BCAS4: variants seen among roughly 807,000 people sequenced by gnomAD.
BCAS4 encodes breast carcinoma-amplified sequence 4.
In BCAS4, 9 loss-of-function variants were observed where a neutral mutation model predicts 15.7. The observed-to-expected ratio is 0.57, with a 90% CI of 0.34 to 1.00. BCAS4 has a LOEUF of 1.00. BCAS4 is among the 50% of genes least tolerant of loss of function. The pLI, the probability that BCAS4 is intolerant of heterozygous loss-of-function variation, is 0.02. For synonymous variants in BCAS4, 101 were observed against 99.5 expected (o/e 1.02, Z -0.09); for missense variants, 225 against 239.1 (o/e 0.94, Z 0.39).
intron 1 of BCAS4, among the ~76,000 whole-genome samples, chr20:50,800,559 CTTTTTTTTT>C (rs562113048): frequency 8.9e-6 from 1 of 112,630 alleles, no homozygotes; most frequent in African/African-American, 3.7e-5. Context: ...TTGAACATCC[CTTTTTTTTT>C]TTTTTTTTTT....
intron 1 of BCAS4, among the ~76,000 whole-genome samples, chr20:50,814,795 C>T (rs1251035191): frequency 6.6e-6 from 1 of 152,126 alleles, no homozygotes; most frequent in Non-Finnish European, 1.5e-5. Flanking sequence ...CAGTGACTAG[C>T]CCTTGTTTTT....
intron 2 of BCAS4, among the ~76,000 whole-genome samples, chr20:50,820,048 G>A (rs1412564624): frequency 7.0e-6 from 1 of 143,466 alleles, no homozygotes; most frequent in Non-Finnish European, 1.5e-5. Context: ...ACAGCATGTT[G>A]ACCAGGCTGG....
chr20:50,862,836 TTTTG>T (rs910804300), intron 4 of BCAS4, among the ~76,000 whole-genome samples: 6 of 152,058 alleles, frequency 3.9e-5, no homozygotes, highest in African/African-American at 9.7e-5. Flanking sequence ...TCAGGGCTTT[TTTTG>T]TTTGTTTGTT....
rs372999758 is a variant in BCAS4 at position 50,841,908 on chromosome 20, T to G, written c.399+8T>G. On this transcript the variant is annotated splice_region_variant and intron_variant, in intron 4 of 4. Coordinates refer to ENST00000371608, the MANE Select transcript of BCAS4 (RefSeq NM_198799.4). ...CTCCCCTCCTTCAGGAACGTGAGTATCCTGCCCCGAGAAGTGAGGGGAGGG... is the reference window on the plus strand; with the variant it reads ...CTCCCCTCCTTCAGGAACGTGAGTAGCCTGCCCCGAGAAGTGAGGGGAGGG... 3.7e-5 allele frequency: 58 copies of G among 1,562,836 alleles called. No homozygotes were observed. The African/African-American group carries it at 7.7e-4, about 21-fold the overall frequency.
chr20:50,859,499 C>T (rs1047113702), intron 4 of BCAS4, among the ~76,000 whole-genome samples: 1 of 152,128 alleles, frequency 6.6e-6, no homozygotes, highest in African/African-American at 2.4e-5. Flanking sequence ...GGGAGAGCCT[C>T]TGGGGAGGTG....
chr20:50,808,228 A>G (rs534245894), intron 1 of BCAS4, among the ~76,000 whole-genome samples: 1 of 152,292 alleles, frequency 6.6e-6, no homozygotes, highest in East Asian at 1.9e-4. Context: ...CATATTCTTT[A>G]TCCACTTGTT....
At chr20:50,830,213 T>G in intron 2 of BCAS4, 66 bp from the exon 3 acceptor site, 1 of 1,410,710 alleles carries the variant, frequency 7.1e-7, no homozygotes, top group South Asian at 1.2e-5. Context: ...CTGGCCAACC[T>G]CTGAGGCAGG....
At chr20:50,796,605 C>T (rs2087867995) in intron 1 of BCAS4, among the ~76,000 whole-genome samples, 1 of 138,800 alleles carries the variant, frequency 7.2e-6, no homozygotes, top group African/African-American at 2.7e-5. Context: ...AGGAATTCTC[C>T]TGCCTCAGCC....
chr20:50,825,372 G>A (rs914289532), intron 2 of BCAS4, among the ~76,000 whole-genome samples: 7 of 151,836 alleles, frequency 4.6e-5, no homozygotes, highest in African/African-American at 9.7e-5. Context: ...GTGAGCCACC[G>A]CACCTGGCCC....
chr20:50,821,319 AG>A (rs2088213622), intron 2 of BCAS4, among the ~76,000 whole-genome samples: 1 of 152,264 alleles, frequency 6.6e-6, no homozygotes, highest in South Asian at 2.1e-4. Flanking sequence ...GTGCCCAGCC[AG>A]TTCTGCAAAT....
chr20:50,823,340 C>T (rs985265536), intron 2 of BCAS4, among the ~76,000 whole-genome samples: 1 of 151,700 alleles, frequency 6.6e-6, no homozygotes, highest in African/African-American at 2.4e-5. Flanking sequence ...ACTCCGTCCC[C>T]CCGGCCCAAA....
chr20:50,861,846 CTTTTTTTT>C (rs773052138), intron 4 of BCAS4, among the ~76,000 whole-genome samples: 7 of 109,274 alleles, frequency 6.4e-5, no homozygotes, highest in African/African-American at 2.7e-4. Context: ...TCTTCTTCTC[CTTTTTTTT>C]TTTTTTTTTT....
In BCAS4 at chr20:50,830,315, A is replaced by C; in HGVS notation, c.199A>C (p.Ile67Leu). The change falls in exon 3 of 5, where the codon ATC becomes CTC. Residue 67 changes from isoleucine to leucine, a missense_variant. Transcript: ENST00000371608. ...TACTTCACAGATCCTGGAGGAAAAC[A>C]TCCCAGTCCTTAAGGCCAAACTGAC... ...SDTSQILEEN[I>L]PVLKAKLTEM... is the part of the protein sequence containing the mutation. 6.2e-7 allele frequency: 1 copy of C among 1,614,108 alleles called. No homozygotes were observed. The highest frequency in any genetic ancestry group is 8.5e-7 in the Non-Finnish European group (1 of 1,179,976).
intron 4 of BCAS4, among the ~76,000 whole-genome samples, chr20:50,860,451 C>T (rs1026200096): frequency 1.3e-5 from 2 of 152,250 alleles, no homozygotes; most frequent in African/African-American, 4.8e-5. Context: ...TACCACTCAT[C>T]TGCCCTCCAT....
At chr20:50,841,627 T>A in intron 3 of BCAS4, 139 bp from the exon 4 acceptor site, 1 of 1,146,806 alleles carries the variant, frequency 8.7e-7, no homozygotes, top group Non-Finnish European at 1.2e-6. Context: ...CAGGCCCTGC[T>A]GCCTTGCAGG....
intron 1 of BCAS4, among the ~76,000 whole-genome samples, chr20:50,808,163 T>C (rs1209971056): frequency 1.3e-5 from 2 of 151,968 alleles, no homozygotes; most frequent in Non-Finnish European, 2.9e-5. Context: ...CCGCCCGCCT[T>C]GGCCTCCCAA....
chr20:50,852,595 C>T (rs553307870), intron 4 of BCAS4, among the ~76,000 whole-genome samples: 99 of 152,132 alleles, frequency 6.5e-4, no homozygotes, highest in Admixed American at 1.7e-3. Flanking sequence ...TTAGCCAGGC[C>T]GGTCTTGAAC....
intron 1 of BCAS4, among the ~76,000 whole-genome samples, chr20:50,814,079 G>A (rs1371327411): frequency 1.3e-5 from 2 of 152,148 alleles, no homozygotes; most frequent in African/African-American, 4.8e-5. Context: ...TGGATGATTT[G>A]TGGGCATGGT....
At chr20:50,833,525 C>T (rs546210388) in intron 3 of BCAS4, among the ~76,000 whole-genome samples, 15 of 152,326 alleles carry the variant, frequency 9.8e-5, no homozygotes, top group Admixed American at 6.5e-5. Context: ...ACCCCACTCC[C>T]CAGCGTGACA....
Sources: gnomAD v4.1 joint callset for allele counts (sites outside exome capture counted in the v4.1 genomes callset) on GRCh38, gnomAD v4.1.1 for gene constraint, MANE v1.5 for transcripts, NCBI Gene and HGNC (gene_info 2026-07-23, HGNC 2026-07-21) for gene names.